Variants in ARID2 observed in about 807,000 individuals in gnomAD.
The protein encoded by ARID2 is AT-rich interaction domain 2.
Under a neutral mutation model 184.6 loss-of-function variants are expected in ARID2, and 32 were observed. That is an observed-to-expected ratio of 0.17 (90% CI 0.13 to 0.23). ARID2 has a LOEUF of 0.23. Ranked by LOEUF, ARID2 falls within the 10% of genes least tolerant of loss-of-function variation. The pLI, the probability that ARID2 is intolerant of heterozygous loss-of-function variation, is 1.00. For missense variants in ARID2, 1,696 were observed against 2,197.6 expected (o/e 0.77, Z 4.56); for synonymous variants, 836 against 772.6 (o/e 1.08, Z -1.36).
At chr12:45,881,695 C>T in intron 16 of ARID2, 1 of 180,630 alleles carries the variant, frequency 5.5e-6, no homozygotes, top group Non-Finnish European at 1.2e-5. Context: ...GCTTCCCCTG[C>T]TTCCGTTCTG....
intron 3 of ARID2, among the ~76,000 whole-genome samples, chr12:45,776,757 C>G (rs1211289350): frequency 6.7e-6 from 1 of 149,914 alleles, no homozygotes; most frequent in East Asian, 1.9e-4. Flanking sequence ...CGAGACCAGC[C>G]TGGGCAACAT....
At chr12:45,861,411 A>G (rs1220747919) in intron 16 of ARID2, among the ~76,000 whole-genome samples, 1 of 152,160 alleles carries the variant, frequency 6.6e-6, no homozygotes, top group African/African-American at 2.4e-5. Flanking sequence ...AAGCCATACC[A>G]TCTTACAATT....
At chr12:45,865,244 C>CTG (rs1943814086) in intron 16 of ARID2, among the ~76,000 whole-genome samples, 1 of 152,068 alleles carries the variant, frequency 6.6e-6, no homozygotes, top group Non-Finnish European at 1.5e-5. Context: ...ATTTTCACAC[C>CTG]TGTACCTTCT....
At chr12:45,892,618 C>A (rs1944315728) in intron 18 of ARID2, among the ~76,000 whole-genome samples, 1 of 151,900 alleles carries the variant, frequency 6.6e-6, no homozygotes, top group Non-Finnish European at 1.5e-5. Flanking sequence ...ATCAGAAATA[C>A]CCCTGCTTTT....
intron 3 of ARID2, among the ~76,000 whole-genome samples, chr12:45,783,174 A>C (rs1199440228): frequency 6.6e-6 from 1 of 152,142 alleles, no homozygotes; most frequent in Non-Finnish European, 1.5e-5. Context: ...ATTGAAAAAA[A>C]AATCCAAAGC....
intron 5 of ARID2, among the ~76,000 whole-genome samples, chr12:45,819,931 A>T (rs1942869002): frequency 6.6e-6 from 1 of 151,954 alleles, no homozygotes; most frequent in Non-Finnish European, 1.5e-5. Context: ...TTTAGTAGAG[A>T]CAGGGTTTCC....
At chr12:45,801,381 G>A (rs941000012) in intron 3 of ARID2, among the ~76,000 whole-genome samples, 2 of 151,812 alleles carry the variant, frequency 1.3e-5, no homozygotes, top group African/African-American at 4.8e-5. Flanking sequence ...AGAATCAATG[G>A]ATGCTAAAAC....
At chr12:45,809,949 C>T (rs184306318) in intron 3 of ARID2, among the ~76,000 whole-genome samples, 1 of 152,122 alleles carries the variant, frequency 6.6e-6, no homozygotes, top group Non-Finnish European at 1.5e-5. Flanking sequence ...CCAGGATACT[C>T]TTACATGTTC....
intron 16 of ARID2, among the ~76,000 whole-genome samples, chr12:45,876,261 T>C (rs1322927225): frequency 1.3e-5 from 2 of 152,060 alleles, no homozygotes; most frequent in African/African-American, 2.4e-5. Flanking sequence ...AAAAGACACA[T>C]AACATTTGGC....
At position 45,905,502 on chromosome 12, in the gene ARID2, C is replaced by A. The variant is rs1001771301; in HGVS notation, c.*424C>A. ...GAGCACATTTTTATATTTACAAAAC[C>A]GTTTAAGCTGGTTTGAATAATTTAA... On this transcript the variant is annotated 3_prime_UTR_variant, in exon 21 of 21. Coordinates refer to ENST00000334344, the MANE Select transcript of ARID2 (RefSeq NM_152641.4). 1 of 233,502 alleles carries A rather than the reference C, an allele frequency of 4.3e-6. No individual in the cohort carries two copies. The allele number at this position is 233,502 out of a possible 1,614,324, so 14.5% of individuals were successfully genotyped here.
intron 3 of ARID2, among the ~76,000 whole-genome samples, chr12:45,731,634 A>G (rs557824092): frequency 6.6e-6 from 1 of 152,282 alleles, no homozygotes; most frequent in East Asian, 1.9e-4. Flanking sequence ...ATGCTTAGTA[A>G]AAGACTTAAG....
chr12:45,884,761 T>TACA (rs1420215888), intron 16 of ARID2, among the ~76,000 whole-genome samples: 1 of 152,186 alleles, frequency 6.6e-6, no homozygotes, highest in Non-Finnish European at 1.5e-5. Flanking sequence ...GGATATTTCC[T>TACA]ACAATTTCAG....
rs1943545948 is a variant in ARID2, at chr12:45,851,353, T to G, written c.3230T>G (p.Leu1077Arg). 6.2e-7 allele frequency: 1 copy of G among 1,614,000 alleles called. No homozygotes were observed. The highest frequency in any genetic ancestry group is 8.5e-7 in the Non-Finnish European group (1 of 1,180,002). Residue 1077 changes from leucine (L) to arginine (R), a missense_variant, in exon 15 of 21, where the codon CTT (leucine) becomes CGT (arginine). Transcript: ENST00000334344. Reference sequence around the variant, plus strand: ...GGTCCTTCAACACCAGGTGGTAAGCTTATTCTCCCAGCTCCACAGATTCCT... The same window carrying G: ...GGTCCTTCAACACCAGGTGGTAAGCGTATTCTCCCAGCTCCACAGATTCCT... ...KRGPSTPGGK[L>R]ILPAPQIPPP...
At chr12:45,799,793 A>C (rs1942460919) in intron 3 of ARID2, among the ~76,000 whole-genome samples, 2 of 152,202 alleles carry the variant, frequency 1.3e-5, no homozygotes, top group African/African-American at 4.8e-5. Context: ...ACAAAGCAAC[A>C]CATTACATAA....
At position 45,836,788 on chromosome 12, in the gene ARID2, C is replaced by G. The variant is rs1943228378; in HGVS notation, c.820C>G (p.Arg274Gly). Residue 274 changes from arginine (R) to glycine (G), a missense_variant, in exon 8 of 21, where the codon CGA (arginine) becomes GGA (glycine). By Grantham distance (125) the Arg-to-Gly change is moderately radical (BLOSUM62 -2). Transcript: ENST00000334344. ...WIWESLFHPP[R>G]KLGINDIEGQ... Reference sequence around the variant, plus strand: ...TTGGGAGTCTTTATTTCATCCACCTCGAAAGCTGGGCATTAACGATATTGA... The same window carrying G: ...TTGGGAGTCTTTATTTCATCCACCTGGAAAGCTGGGCATTAACGATATTGA... 6.2e-7 allele frequency: 1 copy of G among 1,613,896 alleles called. No individual in the cohort carries two copies. Among genetic ancestry groups the G allele is most frequent in the Admixed American group, 1.7e-5 (1 of 60,000 alleles).
intron 5 of ARID2, among the ~76,000 whole-genome samples, 193 bp from the exon 6 acceptor site, chr12:45,821,225 CAA>C (rs999475516): frequency 6.6e-6 from 1 of 151,944 alleles, no homozygotes; most frequent in African/African-American, 2.4e-5. Flanking sequence ...TGTAGGAACA[CAA>C]ATTTTCTTTA....
Position 45,729,938 on chromosome 12 carries a change from GA to G in ARID2, c.92+12del. 6.2e-7 allele frequency: 1 copy of G among 1,606,018 alleles called. No homozygotes were observed. Among genetic ancestry groups the G allele is most frequent in the Non-Finnish European group, 8.5e-7 (1 of 1,176,204 alleles). ...TCCACCACAGCAGAGGGTGAGAGCA[GA>G]ACCGGGGGGGCAGCGCCGGGGCGAG... On this transcript the variant is annotated intron_variant, in intron 1 of 20. Coordinates refer to ENST00000334344, the MANE Select transcript of ARID2 (RefSeq NM_152641.4).
At position 45,849,599 on chromosome 12, in the gene ARID2, A is replaced by G. The variant is rs2138156492; in HGVS notation, c.1735A>G (p.Thr579Ala). 6.2e-7 allele frequency: 1 copy of G among 1,612,304 alleles called. No homozygotes were observed. The highest frequency in any genetic ancestry group is 8.5e-7 in the Non-Finnish European group (1 of 1,179,000). ...KCLRTVFPNHTVKRVEDSSSN... is the reference protein window; with the variant it reads ...KCLRTVFPNHAVKRVEDSSSN... ...TTACAGAACGGTCTTTCCAAATCAT[A>G]CAGTGAAGAGAGTGGAGGATTCCAG... Residue 579 changes from threonine (T) to alanine (A), a missense_variant, in exon 14 of 21, where the codon ACA becomes GCA. Physicochemically the swap from Thr to Ala is moderately conservative, Grantham distance 58 (BLOSUM62 0). Around this residue, in one of 11 missense-constraint regions of ARID2, gnomAD observed 713 missense variants for 824.4 expected, o/e 0.86. Transcript: ENST00000334344.
chr12:45,850,111 C>T lies in ARID2; in HGVS notation c.1988C>T (p.Thr663Ile), dbSNP rs2138159092. Residue 663 changes from threonine (T) to isoleucine (I), a missense_variant, in exon 15 of 21, where the codon ACT becomes ATT. Around this residue, in one of 11 missense-constraint regions of ARID2, gnomAD observed 713 missense variants for 824.4 expected, o/e 0.86. Transcript: ENST00000334344. ...GTTGCCAACCAATCTTCAAATCTGA[C>T]TGCAACACAAATGTCTTTTCCTGTA... ...TPVANQSSNL[T>I]ATQMSFPVQG... 6.2e-7 allele frequency: 1 copy of T among 1,614,076 alleles called. No individual in the cohort carries two copies. The highest frequency in any genetic ancestry group is 2.2e-5 in the East Asian group (1 of 44,878).
Sources: allele counts gnomAD v4.1 joint callset (sites outside exome capture counted in the v4.1 genomes callset), GRCh38; gene constraint gnomAD v4.1.1; regional missense constraint gnomAD v4.1.1; transcripts MANE v1.5; gene names NCBI Gene and HGNC (gene_info 2026-07-23, HGNC 2026-07-21).